Variants in GRIA4 observed in about 807,000 individuals in gnomAD.
GRIA4 encodes glutamate ionotropic receptor AMPA type subunit 4.
Under a neutral mutation model 104.0 loss-of-function variants are expected in GRIA4, and 34 were observed. That is an observed-to-expected ratio of 0.33 (90% CI 0.25 to 0.44). The LOEUF is 0.44. Ranked by LOEUF, GRIA4 falls within the 20% of genes least tolerant of loss-of-function variation. The pLI is 1.00. For synonymous variants in GRIA4, 386 were observed against 381.9 expected (o/e 1.01, Z -0.13); for missense variants, 750 against 1,096.5 (o/e 0.68, Z 4.46).
chr11:105,710,327 T>C (rs1565482683), intron 3 of GRIA4, among the ~76,000 whole-genome samples: 2 of 152,054 alleles, frequency 1.3e-5, no homozygotes, highest in East Asian at 1.9e-4. Context: ...ATTAGTGATA[T>C]GTAGGAAGCA....
At chr11:105,725,402 C>T (rs1321595398) in intron 3 of GRIA4, among the ~76,000 whole-genome samples, 1 of 152,084 alleles carries the variant, frequency 6.6e-6, no homozygotes, top group Non-Finnish European at 1.5e-5. Context: ...CATGCCATTG[C>T]CTGGTTTCAG....
intron 4 of GRIA4, among the ~76,000 whole-genome samples, chr11:105,760,500 T>G (rs1940566108): frequency 1.3e-5 from 2 of 152,174 alleles, no homozygotes; most frequent in African/African-American, 4.8e-5. Context: ...TAATTTATAT[T>G]TATCCCAATG....
At chr11:105,844,977 GT>G (rs1447527778) in intron 4 of GRIA4, among the ~76,000 whole-genome samples, 1 of 152,234 alleles carries the variant, frequency 6.6e-6, no homozygotes, top group Non-Finnish European at 1.5e-5. Flanking sequence ...CTGCTTAGTA[GT>G]TGTGTGACCT....
rs775692681 is a variant in GRIA4 at position 105,979,737 on chromosome 11, T to C, written c.2707T>C (p.Ter903GlnextTer5). 1.2e-6 allele frequency: 2 copies of C among 1,609,350 alleles called. No homozygotes were observed. Among genetic ancestry groups the C allele is most frequent in the East Asian group, 2.2e-5 (1 of 44,778 alleles). ...GLAVIASDLP[*>Q] The stretch of plus-strand genomic sequence containing the variant: ...GGCTGTCATTGCATCGGACCTACCA[T>C]AAAAACCAAAAAAATAATTGAGTGC... Residue 903 changes from the stop codon to glutamine (Q), a stop_lost, in exon 17 of 17, where the codon TAA becomes CAA. Coordinates refer to ENST00000282499, the MANE Select transcript of GRIA4 (RefSeq NM_000829.4).
chr11:105,618,839 G>C (rs573704214), intron 3 of GRIA4, among the ~76,000 whole-genome samples: 6 of 151,868 alleles, frequency 4.0e-5, no homozygotes, highest in Admixed American at 2.0e-4. Context: ...ATGTTTGAGG[G>C]GAAGAGAGAG....
At chr11:105,704,745 C>T (rs1379546789) in intron 3 of GRIA4, among the ~76,000 whole-genome samples, 1 of 152,038 alleles carries the variant, frequency 6.6e-6, no homozygotes, top group South Asian at 2.1e-4. Flanking sequence ...AATTTTAAAA[C>T]ATCCCCAAAA....
At chr11:105,884,903 T>G (rs184632525) in intron 5 of GRIA4, among the ~76,000 whole-genome samples, 38 of 152,294 alleles carry the variant, frequency 2.5e-4, no homozygotes, top group Admixed American at 2.2e-3. Flanking sequence ...ATTTTTAAAA[T>G]TAAACTGACA....
chr11:105,909,863 G>C (rs73542900), intron 9 of GRIA4, among the ~76,000 whole-genome samples: 1 of 152,152 alleles, frequency 6.6e-6, no homozygotes, highest in Non-Finnish European at 1.5e-5. Context: ...ATTTGAAAGC[G>C]AAAACACTGA....
intron 4 of GRIA4, among the ~76,000 whole-genome samples, chr11:105,770,521 ATAT>A (rs1349397392): frequency 6.6e-6 from 1 of 152,080 alleles, no homozygotes; most frequent in African/African-American, 2.4e-5. Flanking sequence ...GCATTTCAAT[ATAT>A]GGTTTAAGAA....
At chr11:105,716,551 ACT>A (rs1404798241) in intron 3 of GRIA4, among the ~76,000 whole-genome samples, 2 of 152,114 alleles carry the variant, frequency 1.3e-5, no homozygotes, top group East Asian at 3.9e-4. Flanking sequence ...ATTTCTGATA[ACT>A]CTGGTTAGAA....
intron 3 of GRIA4, among the ~76,000 whole-genome samples, chr11:105,625,680 G>A (rs889389707): frequency 2.0e-5 from 3 of 152,048 alleles, no homozygotes; most frequent in African/African-American, 7.2e-5. Context: ...CTGTCTGGAT[G>A]GGAATATTAC....
intron 3 of GRIA4, among the ~76,000 whole-genome samples, chr11:105,639,852 T>G (rs1428342828): frequency 6.6e-6 from 1 of 151,994 alleles, no homozygotes; most frequent in East Asian, 1.9e-4. Context: ...TCATAAACTT[T>G]GAATAGAGCA....
chr11:105,933,481 G>A (rs571698997), intron 13 of GRIA4, among the ~76,000 whole-genome samples: 38 of 152,084 alleles, frequency 2.5e-4, no homozygotes, highest in African/African-American at 8.9e-4. Flanking sequence ...ATGGTAAGAG[G>A]TTTGGGCTTC....
At chr11:105,778,105 A>T (rs1398199344) in intron 4 of GRIA4, among the ~76,000 whole-genome samples, 2 of 152,184 alleles carry the variant, frequency 1.3e-5, no homozygotes, top group Non-Finnish European at 2.9e-5. Context: ...AACCAGGTAA[A>T]GTCCTTTCCA....
chr11:105,856,030 T>G (rs571687925), intron 4 of GRIA4, among the ~76,000 whole-genome samples: 57 of 152,138 alleles, frequency 3.7e-4, no homozygotes, highest in Non-Finnish European at 4.7e-4. Context: ...ACTCAAATCA[T>G]CTCTCTATGA....
At chr11:105,729,310 T>C (rs1428965183) in intron 3 of GRIA4, among the ~76,000 whole-genome samples, 1 of 152,070 alleles carries the variant, frequency 6.6e-6, no homozygotes, top group African/African-American at 2.4e-5. Context: ...CAGGAAGAAG[T>C]TGAATCCCTG....
At chr11:105,684,548 TATATATATATATACAC>T (rs1341195237) in intron 3 of GRIA4, among the ~76,000 whole-genome samples, 19 of 44,682 alleles carry the variant, frequency 4.3e-4, no homozygotes, top group East Asian at 1.0e-3. Context: ...TATATATACA[TATATATATATATACAC>T]ACCTTTATTT....
rs1024716565 is a variant in GRIA4 at position 105,833,957 on chromosome 11, T to C, written c.488-28067T>C. Among the ~76,000 whole-genome samples the C allele has an allele frequency of 3.2e-4, 49 of 152,106 alleles. 1 individual carries two copies. The highest frequency in any genetic ancestry group is 5.6e-4 in the Non-Finnish European group (38 of 67,998). ...TAATGTTCACCTACAATCATTTTACTATGCCTTTCCATTCCAGAATATTTT... is the reference window on the plus strand; with the variant it reads ...TAATGTTCACCTACAATCATTTTACCATGCCTTTCCATTCCAGAATATTTT... On this transcript the variant is annotated intron_variant, in intron 4 of 16. Coordinates refer to ENST00000282499, the MANE Select transcript of GRIA4 (RefSeq NM_000829.4).
At chr11:105,842,715 T>C (rs1286804307) in intron 4 of GRIA4, 3 of 152,168 alleles carry the variant, frequency 2.0e-5, no homozygotes, top group Admixed American at 6.5e-5. Flanking sequence ...CCATTGATTT[T>C]AAAGGAGAAA....
Sources: gnomAD v4.1 joint callset for allele counts (sites outside exome capture counted in the v4.1 genomes callset) on GRCh38, gnomAD v4.1.1 for gene constraint, MANE v1.5 for transcripts, NCBI Gene and HGNC (gene_info 2026-07-23, HGNC 2026-07-21) for gene names.